Variants in ERBB4 observed in about 807,000 individuals in gnomAD.
ERBB4 encodes receptor tyrosine-protein kinase erbB-4.
Under a neutral mutation model 158.0 loss-of-function variants are expected in ERBB4, and 42 were observed. That is an observed-to-expected ratio of 0.27 (90% CI 0.21 to 0.34). The LOEUF is 0.34. ERBB4 is among the 10% of genes least tolerant of loss of function. The probability of loss-of-function intolerance (pLI) is 1.00; values close to 1 mark genes in which losing one functional copy is unlikely to be tolerated. For missense variants in ERBB4, 1,333 were observed against 1,624.1 expected (o/e 0.82, Z 3.08); for synonymous variants, 583 against 558.7 (o/e 1.04, Z -0.61).
rs529564178 is a variant in ERBB4, at chr2:211,477,590, G to A, written c.2488-46490C>T. ...ACCTGTGTAATGGTGAAGTGTATTC[G>A]CTCTATGAAAATGTATTAAACTATG... is the stretch of plus-strand genomic sequence containing the variant. On this transcript the variant is annotated intron_variant, in intron 20 of 27. Transcript: ENST00000342788. Among the ~76,000 whole-genome samples the A allele has an allele frequency of 4.6e-5, 7 of 152,098 alleles. No individual in the cohort carries two copies. The East Asian group carries it at 7.7e-4, about 17-fold the overall frequency.
At chr2:212,491,240 T>C (rs2106200768) in intron 1 of ERBB4, among the ~76,000 whole-genome samples, 1 of 151,768 alleles carries the variant, frequency 6.6e-6, no homozygotes, top group South Asian at 2.1e-4. Flanking sequence ...CTGATGTATT[T>C]GCATACAGAA....
chr2:211,677,420 C>CCG (rs1408302893), intron 13 of ERBB4, among the ~76,000 whole-genome samples: 9 of 151,584 alleles, frequency 5.9e-5, no homozygotes, highest in Non-Finnish European at 1.3e-4. Context: ...CAAAATTAGC[C>CCG]CGGCATGGTG....
chr2:211,644,349 T>C (rs796218789), intron 16 of ERBB4, among the ~76,000 whole-genome samples: 4 of 152,140 alleles, frequency 2.6e-5, no homozygotes, highest in African/African-American at 9.6e-5. Context: ...AGAACACATT[T>C]CTAATTATGG....
chr2:212,207,548 A>AT (rs527275807), intron 1 of ERBB4, among the ~76,000 whole-genome samples: 3 of 152,312 alleles, frequency 2.0e-5, no homozygotes, highest in African/African-American at 7.2e-5. Flanking sequence ...AGTTAATGTT[A>AT]TTCAATCTTA....
In ERBB4 at chr2:211,379,028, T is replaced by C. The variant is rs1282905661; in HGVS notation, c.*4587A>G. The C allele has an allele frequency of 2.2e-5, 5 of 231,714 alleles. No homozygotes were observed. Among genetic ancestry groups the C allele is most frequent in the Admixed American group, 1.1e-4 (2 of 17,706 alleles). 14.4% of individuals were successfully genotyped at this position (231,714 alleles called of 1,614,324 possible). On this transcript the variant is annotated 3_prime_UTR_variant, in exon 28 of 28. Coordinates refer to ENST00000342788, the MANE Select transcript of ERBB4 (RefSeq NM_005235.3). ...GCACATGGATTTCTCATTTGCCCTATAACAATCATCATTCTAATAACTAAA... is the reference window on the plus strand; with the variant it reads ...GCACATGGATTTCTCATTTGCCCTACAACAATCATCATTCTAATAACTAAA...
At chr2:212,486,950 A>T (rs1267261978) in intron 1 of ERBB4, among the ~76,000 whole-genome samples, 1 of 152,196 alleles carries the variant, frequency 6.6e-6, no homozygotes, top group African/African-American at 2.4e-5. Flanking sequence ...ATTTTAAAAC[A>T]CAAGATCTTA....
intron 16 of ERBB4, among the ~76,000 whole-genome samples, chr2:211,638,785 T>C (rs1006203253): frequency 5.3e-5 from 8 of 152,198 alleles, no homozygotes; most frequent in African/African-American, 1.9e-4. Context: ...CTGATCCTTT[T>C]ATATCTAGAT....
At position 211,913,735 on chromosome 2, in the gene ERBB4, G is replaced by T. The variant is rs367557675; in HGVS notation, c.421+33695C>A. On this transcript the variant is annotated intron_variant, in intron 3 of 27. Coordinates refer to ENST00000342788, the MANE Select transcript of ERBB4 (RefSeq NM_005235.3). ...TAAAATTTGGTATAGTGTCTATCAC[G>T]TATGGGCCTTTCTTATTATTTGAAA... is the stretch of plus-strand genomic sequence containing the variant. Among the ~76,000 whole-genome samples, 8 of 149,958 alleles carry T rather than the reference G, an allele frequency of 5.3e-5. No homozygotes were observed. The South Asian group carries it at 1.3e-3, about 24-fold the overall frequency.
chr2:212,394,963 C>T (rs779094648), intron 1 of ERBB4, among the ~76,000 whole-genome samples: 3 of 152,110 alleles, frequency 2.0e-5, no homozygotes, highest in African/African-American at 7.2e-5. Flanking sequence ...CGTCAACTTC[C>T]AGATCCAAGT....
At chr2:212,011,557 C>T (rs563584767) in intron 2 of ERBB4, among the ~76,000 whole-genome samples, 26 of 152,140 alleles carry the variant, frequency 1.7e-4, no homozygotes, top group Non-Finnish European at 3.5e-4. Flanking sequence ...TCAAGACCAG[C>T]CTGGGCAACA....
chr2:211,810,660 G>GTTT (rs2076730199), intron 3 of ERBB4, among the ~76,000 whole-genome samples: 1 of 106,660 alleles, frequency 9.4e-6, no homozygotes, highest in Non-Finnish European at 1.8e-5. Flanking sequence ...GCCAGTCTCT[G>GTTT]TCTTTTTTTT....
Position 212,175,166 on chromosome 2 carries a change from C to T in ERBB4, c.83-50263G>A, listed in dbSNP as rs150863357. On this transcript the variant is annotated intron_variant, in intron 1 of 27. Transcript: ENST00000342788. ...GACAGAATTACTATTTTCTTACTTT[C>T]AACTCCAGAAACAAGGTCCTTTCAC... Among the ~76,000 whole-genome samples the T allele has an allele frequency of 2.0e-4, 30 of 152,150 alleles. No homozygotes were observed. The East Asian group carries it at 5.4e-3, about 27-fold the overall frequency.
chr2:211,403,515 A>C (rs1816532), intron 25 of ERBB4, among the ~76,000 whole-genome samples: 41,082 of 151,954 alleles, frequency 0.27, 5,749 homozygotes, highest in East Asian at 0.39. Context: ...CTTGGTCCCA[A>C]AACCTTTCAC....
At chr2:212,118,755 C>T (rs1253302963) in intron 2 of ERBB4, among the ~76,000 whole-genome samples, 1 of 151,812 alleles carries the variant, frequency 6.6e-6, no homozygotes, top group Non-Finnish European at 1.5e-5. Flanking sequence ...GGCATTATTT[C>T]TTGTACATTC....
chr2:211,829,642 A>G (rs1393061705), intron 3 of ERBB4, among the ~76,000 whole-genome samples: 1 of 152,142 alleles, frequency 6.6e-6, no homozygotes, highest in Non-Finnish European at 1.5e-5. Context: ...CAAATTATTC[A>G]TGTAACATAT....
At chr2:211,881,364 A>G (rs975729427) in intron 3 of ERBB4, among the ~76,000 whole-genome samples, 12 of 152,110 alleles carry the variant, frequency 7.9e-5, no homozygotes, top group African/African-American at 2.9e-4. Context: ...TTTTTTTGCT[A>G]ACAAAGAGCA....
chr2:211,606,712 T>A (rs1400751531), intron 19 of ERBB4, among the ~76,000 whole-genome samples: 1 of 152,104 alleles, frequency 6.6e-6, no homozygotes, highest in Non-Finnish European at 1.5e-5. Flanking sequence ...CAACATTATA[T>A]GAAAAACTAA....
rs12994961 is a variant in ERBB4 at position 211,712,255 on chromosome 2, T to C, written c.998-79A>G. ...AAATCATTGCATCTTCATTATAAAA[T>C]AGCAGAGTATTTTTAATTGTAACAT... On this transcript the variant is annotated intron_variant, in intron 8 of 27. Transcript: ENST00000342788. 140,191 of 1,352,584 alleles carry C rather than the reference T, an allele frequency of 0.1. 7,787 individuals carry two copies. Among genetic ancestry groups the C allele is most frequent in the South Asian group, 0.12 (10,183 of 83,546 alleles). 83.8% of individuals were successfully genotyped at this position (1,352,584 alleles called of 1,614,324 possible). A position where few individuals can be genotyped will look rare whatever the true frequency, so the allele number is the denominator to read the frequency against.
At chr2:212,297,590 CAGAA>C (rs1297982703) in intron 1 of ERBB4, among the ~76,000 whole-genome samples, 1 of 151,630 alleles carries the variant, frequency 6.6e-6, no homozygotes, top group Non-Finnish European at 1.5e-5. Context: ...ATGAAAGACA[CAGAA>C]AGACTTGAAA....
Sources: allele counts gnomAD v4.1 joint callset (sites outside exome capture counted in the v4.1 genomes callset), GRCh38; gene constraint gnomAD v4.1.1; transcripts MANE v1.5; gene names NCBI Gene and HGNC (gene_info 2026-07-23, HGNC 2026-07-21).